Variants in YDJC observed in about 807,000 individuals in gnomAD.
YDJC encodes the protein YdjC chitooligosaccharide deacetylase homolog.
Under a neutral mutation model 18.9 loss-of-function variants are expected in YDJC, and 23 were observed. The ratio of observed to expected loss-of-function variants is 1.22; its 90% CI spans 0.87 to 1.72. YDJC has a LOEUF of 1.72. YDJC is among the 40% of genes most tolerant of loss of function. The pLI is 0.00. For synonymous variants in YDJC, 224 were observed against 217.6 expected, an observed-to-expected ratio of 1.03 and a Z score of -0.26; for missense variants, 467 against 470.8, an observed-to-expected ratio of 0.99 and a Z score of 0.07.
At position 21,629,670 on chromosome 22, in the gene YDJC, C is replaced by G; in HGVS notation, c.256G>C (p.Glu86Gln). The G allele has an allele frequency of 1.2e-6, 2 of 1,611,216 alleles. No homozygotes were observed. The highest frequency in any genetic ancestry group is 1.7e-6 in the Non-Finnish European group (2 of 1,179,476). ...CCCATCTTGCCAAGGAAGAAGCCTT[C>G]CGGGCCGAGCAGCGATGAGGCGCCA... The part of the protein sequence containing the change: ...RRGASSLLGP[E>Q]GFFLGKMGFR... Residue 86 changes from glutamate (E) to glutamine (Q), a missense_variant, in exon 2 of 5, where the codon GAA becomes CAA. Coordinates refer to ENST00000292778, the MANE Select transcript of YDJC (RefSeq NM_001017964.2).
Position 21,628,461 on chromosome 22 carries a change from C to CA in YDJC, c.928dup (p.Cys310LeufsTer2). The CA allele has an allele frequency of 1.3e-6, 2 of 1,590,454 alleles. No individual in the cohort carries two copies. Among genetic ancestry groups the CA allele is most frequent in the Non-Finnish European group, 1.7e-6 (2 of 1,166,170 alleles). ...CAGGAAGGGTTCCAGAGTGGGCTCA[C>CA]AGGGGACCTCCTCCCCTGGCCTCTT... On this transcript the variant is annotated frameshift_variant, in exon 5 of 5. Coordinates refer to ENST00000292778, the MANE Select transcript of YDJC (RefSeq NM_001017964.2). LOFTEE classifies it high-confidence loss of function.
Position 21,628,659 on chromosome 22 carries a change from G to A in YDJC, c.731C>T (p.Ala244Val), listed in dbSNP as rs780939243. 4 of 1,575,772 alleles carry A rather than the reference G, an allele frequency of 2.5e-6. No individual in the cohort carries two copies. The highest frequency in any genetic ancestry group is 3.4e-6 in the Non-Finnish European group (4 of 1,163,188). Residue 244 changes from alanine (A) to valine (V), a missense_variant, in exon 5 of 5, where the codon GCG becomes GTG. By Grantham distance (64) the Ala-to-Val change is moderately conservative (BLOSUM62 0). Transcript: ENST00000292778. ...AGGCACACTGGGGTAGCCGGGGTGC[G>A]CCATCAGCTCGGCTGTCAGGGTGTG... is the stretch of plus-strand genomic sequence containing the variant. Reference protein sequence around the residue: ...AGHTLTAELMAHPGYPSVPPT... With the variant: ...AGHTLTAELMVHPGYPSVPPT...
At position 21,629,857 on chromosome 22, in the gene YDJC, G is replaced by A. The variant is rs1405553180; in HGVS notation, c.158C>T (p.Ala53Val). ...CTAGAGGCCCTCCCCTCACCTGCGGGCCAGCTCCGCCGCGCTCTCCGTGGC... is the reference window on the plus strand; with the variant it reads ...CTAGAGGCCCTCCCCTCACCTGCGGACCAGCTCCGCCGCGCTCTCCGTGGC... ...GAATESAAELARRHSIPTGLH... is the reference protein window; with the variant it reads ...GAATESAAELVRRHSIPTGLH... The change falls in exon 1 of 5, where the codon GCC becomes GTC. Residue 53 changes from alanine (A) to valine (V), a missense_variant. Coordinates refer to ENST00000292778, the MANE Select transcript of YDJC (RefSeq NM_001017964.2). The A allele has an allele frequency of 5.1e-6, 8 of 1,557,984 alleles. No homozygotes were observed. Among genetic ancestry groups the A allele is most frequent in the Non-Finnish European group, 6.9e-6 (8 of 1,157,602 alleles).
At position 21,628,840 on chromosome 22, in the gene YDJC, C is replaced by T. The variant is rs868024274; in HGVS notation, c.603-53G>A. ...GACCAGGCCGGGCCATGGCCAAGGGCTAGGTAGGCTAGGGAAGGGACGGCG... is the reference window on the plus strand; with the variant it reads ...GACCAGGCCGGGCCATGGCCAAGGGTTAGGTAGGCTAGGGAAGGGACGGCG... On this transcript the variant is annotated intron_variant, in intron 4 of 4. Transcript: ENST00000292778. 1.9e-5 allele frequency: 23 copies of T among 1,219,466 alleles called. No individual in the cohort carries two copies. The Middle Eastern group carries it at 1.0e-3, about 55-fold the overall frequency. The allele number at this position is 1,219,466 out of a possible 1,614,324, so 75.5% of individuals were successfully genotyped here. A position where few individuals can be genotyped will look rare whatever the true frequency, so the allele number is the denominator to read the frequency against.
chr22:21,628,917 T>TA, intron 4 of YDJC, 93 bp downstream of exon 4: 3 of 1,427,108 alleles, frequency 2.1e-6, no homozygotes, highest in Non-Finnish European at 2.7e-6. Flanking sequence ...CAGACTCGCT[T>TA]CCGGGTTGAG....
In YDJC at chr22:21,629,781, T is replaced by C. The variant is rs1930422932; in HGVS notation, c.165-20A>G. 1 of 1,473,538 alleles carries C rather than the reference T, an allele frequency of 6.8e-7. No homozygotes were observed. The highest frequency in any genetic ancestry group is 9.0e-7 in the Non-Finnish European group (1 of 1,115,788). The allele number at this position is 1,473,538 out of a possible 1,614,324, so 91.3% of individuals were successfully genotyped here. Reference sequence around the variant, plus strand: ...CTGTGCCTGAGGGCGGAGCGCGAGCTGGAGCACTAGCGGCCGCGGAGCCGC... The same window carrying C: ...CTGTGCCTGAGGGCGGAGCGCGAGCCGGAGCACTAGCGGCCGCGGAGCCGC... On this transcript the variant is annotated intron_variant, in intron 1 of 4. Coordinates refer to ENST00000292778, the MANE Select transcript of YDJC (RefSeq NM_001017964.2).
chr22:21,628,983 G>T lies in YDJC; in HGVS notation c.602+27C>A. On this transcript the variant is annotated intron_variant, in intron 4 of 4. Transcript: ENST00000292778. Reference sequence around the variant, plus strand: ...AGTGCGGAGGGACAGAGGCAGCTATGGTAGGAGACGGGGCGGGGAGCCTCA... The same window carrying T: ...AGTGCGGAGGGACAGAGGCAGCTATTGTAGGAGACGGGGCGGGGAGCCTCA... 2.8e-6 allele frequency: 4 copies of T among 1,449,416 alleles called. No homozygotes were observed. In the South Asian group the frequency reaches 5.8e-5, roughly 21 times the overall value. 89.8% of individuals were successfully genotyped at this position (1,449,416 alleles called of 1,614,324 possible). A position where few individuals can be genotyped will look rare whatever the true frequency, so the allele number is the denominator to read the frequency against.
intron 2 of YDJC, 24 bp from the exon 3 acceptor site, chr22:21,629,431 T>A: frequency 1.3e-6 from 2 of 1,542,368 alleles, no homozygotes; most frequent in Non-Finnish European, 1.7e-6. Context: ...GAGAGACACC[T>A]TGAGCGACCG....
intron 4 of YDJC, 63 bp downstream of exon 4, chr22:21,628,947 G>A: frequency 7.0e-7 from 1 of 1,434,052 alleles, no homozygotes. Context: ...CAGCTAGCCA[G>A]GTGAACAGCC....
At chr22:21,628,837 G>A (rs1183751181) in intron 4 of YDJC, 50 bp from the exon 5 acceptor site, 2 of 1,435,018 alleles carry the variant, frequency 1.4e-6, no homozygotes, top group South Asian at 2.9e-5. Context: ...CCATGGCCAA[G>A]GGCTAGGTAG....
Position 21,629,302 on chromosome 22 carries a change from ACGCACCTGGGAGCACGTGCAC to A in YDJC, c.409_424+5del, listed in dbSNP as rs773742039. On this transcript the variant is annotated splice_donor_variant and splice_donor_5th_base_variant and coding_sequence_variant and intron_variant, in exon 3 of 5. Coordinates refer to ENST00000292778, the MANE Select transcript of YDJC (RefSeq NM_001017964.2). LOFTEE classifies it high-confidence loss of function. ...GCCCTCCAAACTGGGATCACTAACC[ACGCACCTGGGAGCACGTGCAC>A]GTGCTGGTGCCCGTCCGCGTGCGTG... 6.5e-6 allele frequency: 10 copies of A among 1,550,256 alleles called. No homozygotes were observed. The highest frequency in any genetic ancestry group is 8.7e-6 in the Non-Finnish European group (10 of 1,146,856).
At position 21,629,413 on chromosome 22, in the gene YDJC, G is replaced by A; in HGVS notation, c.325-6C>T. On this transcript the variant is annotated splice_region_variant and splice_polypyrimidine_tract_variant and intron_variant, in intron 2 of 4. Transcript: ENST00000292778. Reference sequence around the variant, plus strand: ...GCCTCGAGCTCCTCCCGCACCTAGAGGGCGAGCGAGAGACACCTTGAGCGA... The same window carrying A: ...GCCTCGAGCTCCTCCCGCACCTAGAAGGCGAGCGAGAGACACCTTGAGCGA... 1.9e-6 allele frequency: 3 copies of A among 1,546,436 alleles called. No homozygotes were observed. The highest frequency in any genetic ancestry group is 2.6e-6 in the Non-Finnish European group (3 of 1,146,132).
Position 21,629,662 on chromosome 22 carries a change from G to A in YDJC, c.264C>T (p.Phe88=). 2 of 1,612,058 alleles carry A rather than the reference G, an allele frequency of 1.2e-6. No individual in the cohort carries two copies. Among genetic ancestry groups the A allele is most frequent in the Non-Finnish European group, 1.7e-6 (2 of 1,179,806 alleles). ...CCCGGAATCCCATCTTGCCAAGGAA[G>A]AAGCCTTCCGGGCCGAGCAGCGATG... ...GASSLLGPEG[F]FLGKMGFREA... The change falls in exon 2 of 5, where the codon TTC becomes TTT. Residue 88 remains phenylalanine (F), a synonymous_variant. Coordinates refer to ENST00000292778, the MANE Select transcript of YDJC (RefSeq NM_001017964.2).
Position 21,628,807 on chromosome 22 carries a change from A to T in YDJC, c.603-20T>A. The T allele has an allele frequency of 7.3e-7, 1 of 1,370,676 alleles. No homozygotes were observed. The highest frequency in any genetic ancestry group is 2.5e-5 in the Admixed American group (1 of 40,184). The allele number at this position is 1,370,676 out of a possible 1,614,324, so 84.9% of individuals were successfully genotyped here. On this transcript the variant is annotated intron_variant, in intron 4 of 4. Transcript: ENST00000292778. Reference sequence around the variant, plus strand: ...GTCCACCTGTGGGGGGCGGGACATCAGAGGTGGGACCAGGCCGGGCCATGG... The same window carrying T: ...GTCCACCTGTGGGGGGCGGGACATCTGAGGTGGGACCAGGCCGGGCCATGG...
rs758899980 is a variant in YDJC at position 21,629,424 on chromosome 22, A to G, written c.325-17T>C. The G allele has an allele frequency of 1.8e-5, 28 of 1,542,994 alleles. No individual in the cohort carries two copies. Among genetic ancestry groups the G allele is most frequent in the African/African-American group, 4.1e-5 (3 of 72,966 alleles). On this transcript the variant is annotated splice_polypyrimidine_tract_variant and intron_variant, in intron 2 of 4. Transcript: ENST00000292778. ...CTCCCGCACCTAGAGGGCGAGCGAG[A>G]GACACCTTGAGCGACCGGGAGTAGC... is the stretch of plus-strand genomic sequence containing the variant.
rs886490624 is a variant in YDJC, at chr22:21,629,841, C to T, written c.164+10G>A. On this transcript the variant is annotated intron_variant, in intron 1 of 4. Transcript: ENST00000292778. ...GCCGATCGCCGCCCTGCTAGAGGCCCTCCCCTCACCTGCGGGCCAGCTCCG... is the reference window on the plus strand; with the variant it reads ...GCCGATCGCCGCCCTGCTAGAGGCCTTCCCCTCACCTGCGGGCCAGCTCCG... The T allele has an allele frequency of 1.3e-6, 2 of 1,537,032 alleles. No homozygotes were observed. The highest frequency in any genetic ancestry group is 8.7e-7 in the Non-Finnish European group (1 of 1,146,330).
chr22:21,628,982 T>C, intron 4 of YDJC, 28 bp downstream of exon 4: 1 of 1,448,258 alleles, frequency 6.9e-7, no homozygotes, highest in South Asian at 1.4e-5. Context: ...GAGGCAGCTA[T>C]GGTAGGAGAC....
chr22:21,628,568 C>T lies in YDJC; in HGVS notation c.822G>A (p.Leu274=). 6.2e-7 allele frequency: 1 copy of T among 1,609,470 alleles called. No homozygotes were observed. Among genetic ancestry groups the T allele is most frequent in the Non-Finnish European group, 8.5e-7 (1 of 1,177,682 alleles). Residue 274 remains leucine, a synonymous_variant, in exon 5 of 5, where the codon CTG becomes CTA. Transcript: ENST00000292778. The stretch of plus-strand genomic sequence containing the variant: ...GCAGCGTGGGCGCGGTGAGGACGCG[C>T]AGCTCATGCAGCCGCTCCCAAGAGC... The part of the protein sequence containing the change: ...FSCSWERLHE[L]RVLTAPTLRA...
At position 21,629,670 on chromosome 22, in the gene YDJC, C is replaced by T; in HGVS notation, c.256G>A (p.Glu86Lys). ...RRGASSLLGPEGFFLGKMGFR... is the reference protein window; with the variant it reads ...RRGASSLLGPKGFFLGKMGFR... ...CCCATCTTGCCAAGGAAGAAGCCTT[C>T]CGGGCCGAGCAGCGATGAGGCGCCA... is the stretch of plus-strand genomic sequence containing the variant. Residue 86 changes from glutamate to lysine, a missense_variant, in exon 2 of 5, where the codon GAA (glutamate) becomes AAA (lysine). Coordinates refer to ENST00000292778, the MANE Select transcript of YDJC (RefSeq NM_001017964.2). The T allele has an allele frequency of 2.5e-6, 4 of 1,611,216 alleles. No homozygotes were observed. The East Asian group carries it at 8.9e-5, about 36-fold the overall frequency.
Sources: gnomAD v4.1 joint callset for allele counts on GRCh38, gnomAD v4.1.1 for gene constraint, MANE v1.5 for transcripts, NCBI Gene and HGNC (gene_info 2026-07-23, HGNC 2026-07-21) for gene names.